FHOD3: variants seen among roughly 807,000 people sequenced by gnomAD.
FHOD3 encodes FH1/FH2 domain-containing protein 3.
In FHOD3, 90 loss-of-function variants were observed where a neutral mutation model predicts 173.0. That is an observed-to-expected ratio of 0.52 (90% CI 0.44 to 0.62). FHOD3 has a LOEUF of 0.62. Among genes scored for constraint, FHOD3 ranks in the 20% least tolerant of loss-of-function variants. The pLI, the probability that FHOD3 is intolerant of heterozygous loss-of-function variation, is 0.00. For synonymous variants in FHOD3, 828 were observed against 823.0 expected, an observed-to-expected ratio of 1.01 and a Z score of -0.10; for missense variants, 1,945 against 2,034.7, an observed-to-expected ratio of 0.96 and a Z score of 0.85.
At chr18:36,454,875 T>C (rs2052081183) in intron 3 of FHOD3, among the ~76,000 whole-genome samples, 1 of 152,182 alleles carries the variant, frequency 6.6e-6, no homozygotes, top group East Asian at 1.9e-4. Context: ...GAGACACCGG[T>C]TTTCATGTTC....
chr18:36,374,185 G>A (rs1171709197), intron 3 of FHOD3, among the ~76,000 whole-genome samples: 3 of 152,178 alleles, frequency 2.0e-5, no homozygotes, highest in Non-Finnish European at 4.4e-5. Flanking sequence ...TCAGGTACAG[G>A]ATTTTTTAAA....
chr18:36,487,719 C>T (rs994350039), intron 3 of FHOD3, among the ~76,000 whole-genome samples: 2 of 152,182 alleles, frequency 1.3e-5, no homozygotes, highest in African/African-American at 4.8e-5. Flanking sequence ...ACCCAGCTGT[C>T]ACAACAAAGG....
At chr18:36,493,091 G>A (rs887602984) in intron 3 of FHOD3, among the ~76,000 whole-genome samples, 130 of 152,142 alleles carry the variant, frequency 8.5e-4, no homozygotes, top group Non-Finnish European at 3.4e-4. Flanking sequence ...TGTTGGATTC[G>A]GTCCATGATT....
chr18:36,404,075 T>C (rs534780757), intron 3 of FHOD3, among the ~76,000 whole-genome samples: 1 of 152,260 alleles, frequency 6.6e-6, no homozygotes, highest in South Asian at 2.1e-4. Context: ...TAACTTACGT[T>C]CTCCTCTCTT....
At chr18:36,312,950 C>T (rs2092292140) in intron 1 of FHOD3, among the ~76,000 whole-genome samples, 1 of 152,158 alleles carries the variant, frequency 6.6e-6, no homozygotes, top group South Asian at 2.1e-4. Context: ...CATGGCCGGC[C>T]CTGGTATCAT....
chr18:36,662,841 GATA>G (rs925408855), intron 14 of FHOD3, among the ~76,000 whole-genome samples: 2 of 152,154 alleles, frequency 1.3e-5, no homozygotes, highest in African/African-American at 4.8e-5. Context: ...ATACTCATCA[GATA>G]ATAACTCCTT....
At chr18:36,531,844 A>C (rs2056795279) in intron 5 of FHOD3, among the ~76,000 whole-genome samples, 1 of 152,236 alleles carries the variant, frequency 6.6e-6, no homozygotes, top group African/African-American at 2.4e-5. Flanking sequence ...GTTTGCCCAC[A>C]GGCAGGCTGG....
chr18:36,328,561 G>A (rs1427941143), intron 1 of FHOD3, among the ~76,000 whole-genome samples: 8 of 152,182 alleles, frequency 5.3e-5, no homozygotes, highest in African/African-American at 1.9e-4. Context: ...GTTTTGAGCA[G>A]CAGAGTGTCC....
chr18:36,731,873 G>C (rs2041379715), intron 20 of FHOD3, among the ~76,000 whole-genome samples: 1 of 152,196 alleles, frequency 6.6e-6, no homozygotes, highest in Admixed American at 6.5e-5. Flanking sequence ...GACCTTCATA[G>C]GAAAAGCCAT....
At chr18:36,464,989 A>G (rs535163958) in intron 3 of FHOD3, among the ~76,000 whole-genome samples, 1 of 152,144 alleles carries the variant, frequency 6.6e-6, no homozygotes, top group Non-Finnish European at 1.5e-5. Flanking sequence ...TTTTTAAATA[A>G]TAGTAAAATA....
intron 1 of FHOD3, among the ~76,000 whole-genome samples, chr18:36,325,119 A>G (rs1190505903): frequency 1.3e-5 from 2 of 152,124 alleles, no homozygotes; most frequent in Non-Finnish European, 2.9e-5. Context: ...AGTATAGGGA[A>G]AACTAATTTG....
chr18:36,353,356 A>C (rs917839003), intron 1 of FHOD3, among the ~76,000 whole-genome samples: 2 of 152,232 alleles, frequency 1.3e-5, no homozygotes, highest in African/African-American at 4.8e-5. Context: ...GAAACAAGGA[A>C]CTGTGGGGTT....
chr18:36,631,540 G>A (rs2034513993), intron 10 of FHOD3, among the ~76,000 whole-genome samples: 1 of 152,268 alleles, frequency 6.6e-6, no homozygotes, highest in South Asian at 2.1e-4. Flanking sequence ...TAGCCTTTAC[G>A]GAACACTTAA....
chr18:36,640,441 A>G (rs2035224993), intron 10 of FHOD3, among the ~76,000 whole-genome samples: 1 of 152,206 alleles, frequency 6.6e-6, no homozygotes, highest in Non-Finnish European at 1.5e-5. Context: ...AACAGCCTTA[A>G]AGTTAACAGA....
intron 1 of FHOD3, among the ~76,000 whole-genome samples, chr18:36,336,109 C>T (rs2045294791): frequency 6.6e-6 from 1 of 152,040 alleles, no homozygotes; most frequent in South Asian, 2.1e-4. Context: ...AAAACCAAAC[C>T]GTGTGGTGGC....
intron 24 of FHOD3, among the ~76,000 whole-genome samples, chr18:36,753,291 T>C (rs2042484779): frequency 6.6e-6 from 1 of 152,186 alleles, no homozygotes; most frequent in Non-Finnish European, 1.5e-5. Context: ...ACATGGTGTC[T>C]GGGGCTCTGA....
intron 6 of FHOD3, 111 bp from the exon 7 acceptor site, chr18:36,594,676 C>T (rs1242787742): frequency 1.4e-5 from 9 of 660,226 alleles, no homozygotes; most frequent in African/African-American, 1.8e-5. Flanking sequence ...TGTGTAATTG[C>T]TGAGAGCGTC....
At chr18:36,455,553 G>T (rs568737072) in intron 3 of FHOD3, among the ~76,000 whole-genome samples, 1 of 146,228 alleles carries the variant, frequency 6.8e-6, no homozygotes, top group East Asian at 2.0e-4. Flanking sequence ...ACAGATGTCG[G>T]CAATGTTCAT....
At chr18:36,514,242 C>G (rs1292784568) in intron 5 of FHOD3, among the ~76,000 whole-genome samples, 1 of 152,040 alleles carries the variant, frequency 6.6e-6, no homozygotes, top group Non-Finnish European at 1.5e-5. Context: ...TTCTCCTGAC[C>G]TCATGATCCG....
Sources: allele counts gnomAD v4.1 joint callset (sites outside exome capture counted in the v4.1 genomes callset), GRCh38; gene constraint gnomAD v4.1.1; transcripts MANE v1.5; gene names NCBI Gene and HGNC (gene_info 2026-07-23, HGNC 2026-07-21).